The following AXDND1 variants were observed in gnomAD, a reference collection of about 807,000 sequenced individuals.
AXDND1 encodes axonemal dynein light chain domain containing 1, also known as axonemal dynein light chain domain-containing protein 1.
Under a neutral mutation model 137.5 loss-of-function variants are expected in AXDND1, and 110 were observed. The observed-to-expected ratio is 0.80, with a 90% CI of 0.69 to 0.94. The LOEUF is 0.94. Among genes scored for constraint, AXDND1 ranks in the 40% least tolerant of loss-of-function variants. The probability of loss-of-function intolerance (pLI) is 0.00; values close to 1 mark genes in which losing one functional copy is unlikely to be tolerated. For synonymous variants in AXDND1, 414 were observed against 399.7 expected (o/e 1.04, Z -0.43); for missense variants, 1,191 against 1,169.8 (o/e 1.02, Z -0.26).
chr1:179,366,378 TTA>T (rs2125026506), intron 1 of AXDND1, 24 bp from the exon 2 acceptor site: 239 of 623,406 alleles, frequency 3.8e-4, no homozygotes, highest in Middle Eastern at 6.9e-4. Flanking sequence ...TTTTTTTTTT[TTA>T]AATCTTTTTT....
At chr1:179,398,364 G>C (rs1043709818) in intron 11 of AXDND1, among the ~76,000 whole-genome samples, 2 of 152,112 alleles carry the variant, frequency 1.3e-5, no homozygotes, top group Non-Finnish European at 2.9e-5. Flanking sequence ...CACTGCACTG[G>C]GGGGAGCTGA....
In AXDND1 at chr1:179,401,723, C is replaced by T. The variant is rs1321364310; in HGVS notation, c.1109+6521C>T. ...CTCGTGGTAGTAAGTCTCACGAGAC[C>T]TGATTGTTTTATAAGGGGAAACCCC... On this transcript the variant is annotated intron_variant, in intron 11 of 25. Transcript: ENST00000367618. Among the ~76,000 whole-genome samples, 3 of 152,100 alleles carry T rather than the reference C, an allele frequency of 2.0e-5. No individual in the cohort carries two copies. The East Asian group carries it at 5.8e-4, about 29-fold the overall frequency.
chr1:179,542,042 C>T (rs1257440889), intron 25 of AXDND1, among the ~76,000 whole-genome samples: 1 of 152,062 alleles, frequency 6.6e-6, no homozygotes, highest in African/African-American at 2.4e-5. Context: ...GACATTGTCT[C>T]TGGGTAATAG....
At chr1:179,545,545 A>G (rs1672563144) in intron 25 of AXDND1, 1 of 151,032 alleles carries the variant, frequency 6.6e-6, no homozygotes, top group Non-Finnish European at 1.5e-5. Context: ...CTGTTGGCTC[A>G]TAATTACAGC....
At chr1:179,462,755 GT>G (rs34874029) in intron 16 of AXDND1, among the ~76,000 whole-genome samples, 25,422 of 151,514 alleles carry the variant, frequency 0.17, 2,454 homozygotes, top group East Asian at 0.35. Flanking sequence ...ACTTCTTCCT[GT>G]TTTTTTCAGT....
chr1:179,448,005 A>G, intron 16 of AXDND1: 1 of 1,410,826 alleles, frequency 7.1e-7, no homozygotes, highest in Admixed American at 1.7e-5. Flanking sequence ...AGGACAAAGC[A>G]TTGGGGCTTT....
At chr1:179,493,819 A>T (rs1590786) in intron 20 of AXDND1, among the ~76,000 whole-genome samples, 100,125 of 152,064 alleles carry the variant, frequency 0.66, 34,175 homozygotes, top group East Asian at 0.81. Flanking sequence ...AAGATATCAC[A>T]TGTACTCCAA....
intron 17 of AXDND1, among the ~76,000 whole-genome samples, chr1:179,477,220 T>C (rs1013215942): frequency 2.6e-5 from 4 of 152,208 alleles, no homozygotes; most frequent in Non-Finnish European, 4.4e-5. Context: ...TTAATTTCTA[T>C]TCTCTTATTT....
chr1:179,549,281 T>C (rs1672962541), intron 25 of AXDND1, among the ~76,000 whole-genome samples: 1 of 152,224 alleles, frequency 6.6e-6, no homozygotes, highest in Non-Finnish European at 1.5e-5. Flanking sequence ...CTATCCACTA[T>C]ACTCTTTCAC....
chr1:179,545,908 T>C (rs1358085612), intron 25 of AXDND1: 1 of 152,042 alleles, frequency 6.6e-6, no homozygotes, highest in African/African-American at 2.4e-5. Context: ...TGCAAGCCCA[T>C]GAAAAAAGAT....
chr1:179,553,378 C>A (rs1041428750), intron 25 of AXDND1, among the ~76,000 whole-genome samples: 3 of 152,090 alleles, frequency 2.0e-5, no homozygotes, highest in African/African-American at 7.2e-5. Flanking sequence ...GCTGATGAAC[C>A]AATAAAATGT....
rs770402228 is a variant in AXDND1, at chr1:179,383,494, A to G, written c.691A>G (p.Met231Val). The stretch of plus-strand genomic sequence containing the variant: ...CCAGCTGAATGATGTGATGGATACT[A>G]TGCTAGAGAGGGCTGGTGTGGAAAA... ...VAQLNDVMDT[M>V]LERAGVENQE... is the part of the protein sequence containing the mutation. The change falls in exon 8 of 26, where the codon ATG becomes GTG. Residue 231 changes from methionine (M) to valine (V), a missense_variant. Coordinates refer to ENST00000367618, the MANE Select transcript of AXDND1 (RefSeq NM_144696.6). 4.3e-6 allele frequency: 7 copies of G among 1,614,122 alleles called. No individual in the cohort carries two copies. The highest frequency in any genetic ancestry group is 3.3e-5 in the Admixed American group (2 of 60,018).
At chr1:179,464,948 A>T (rs955490585) in intron 16 of AXDND1, among the ~76,000 whole-genome samples, 1 of 152,136 alleles carries the variant, frequency 6.6e-6, no homozygotes, top group Non-Finnish European at 1.5e-5. Context: ...TTCTTATGCC[A>T]TGGTTTTCAG....
At chr1:179,411,291 C>T in intron 12 of AXDND1, 25 bp downstream of exon 12, 3 of 1,598,746 alleles carry the variant, frequency 1.9e-6, no homozygotes, top group Non-Finnish European at 2.6e-6. Flanking sequence ...ATTCACAACT[C>T]ACACTTCTTT....
rs1449864349 is a variant in AXDND1 at position 179,523,241 on chromosome 1, TTG to T, written c.2497-2091_2497-2090del. ...GGCTTTTGATTTCATCTGATTGTTT[TTG>T]TTTTTTTTTTTTTGAGGCAGCAATT... On this transcript the variant is annotated intron_variant, in intron 21 of 25. Transcript: ENST00000367618. Among the ~76,000 whole-genome samples the T allele has an allele frequency of 1.2e-3, 53 of 43,762 alleles. 1 individual carries two copies. Among genetic ancestry groups the T allele is most frequent in the African/African-American group, 3.0e-3 (46 of 15,548 alleles). 28.7% of individuals were successfully genotyped at this position (43,762 alleles called of 152,430 possible).
rs937581534 is a variant in AXDND1, at chr1:179,393,922, C to G, written c.883C>G (p.Leu295Val). The change falls in exon 10 of 26, where the codon CTT (leucine) becomes GTT (valine). Residue 295 changes from leucine to valine, a missense_variant. Coordinates refer to ENST00000367618, the MANE Select transcript of AXDND1 (RefSeq NM_144696.6). ...SKVRERYVQM[L>V]DQIARQMIDF... ...ATGCAGAGAGAGGTATGTGCAAATGCTTGACCAGATTGCTCGGCAGATGAT... is the reference window on the plus strand; with the variant it reads ...ATGCAGAGAGAGGTATGTGCAAATGGTTGACCAGATTGCTCGGCAGATGAT... The G allele has an allele frequency of 8.7e-6, 14 of 1,610,318 alleles. No individual in the cohort carries two copies. Among genetic ancestry groups the G allele is most frequent in the Non-Finnish European group, 1.2e-5 (14 of 1,178,806 alleles).
At chr1:179,436,449 A>G (rs551985465) in intron 15 of AXDND1, among the ~76,000 whole-genome samples, 3 of 152,326 alleles carry the variant, frequency 2.0e-5, no homozygotes, top group South Asian at 4.1e-4. Context: ...CCCAATGCCC[A>G]TCAATGGTAG....
chr1:179,398,585 G>A (rs1037176869), intron 11 of AXDND1, among the ~76,000 whole-genome samples: 2 of 152,218 alleles, frequency 1.3e-5, no homozygotes, highest in African/African-American at 4.8e-5. Flanking sequence ...CAGCACAGCT[G>A]GAAGAGGGTT....
chr1:179,501,721 A>G (rs1347522568), intron 20 of AXDND1, among the ~76,000 whole-genome samples: 2 of 152,106 alleles, frequency 1.3e-5, no homozygotes, highest in Non-Finnish European at 2.9e-5. Context: ...AAACAAAACA[A>G]AACAAAACAA....
Sources: allele counts gnomAD v4.1 joint callset (sites outside exome capture counted in the v4.1 genomes callset), GRCh38; gene constraint gnomAD v4.1.1; transcripts MANE v1.5; gene names NCBI Gene and HGNC (gene_info 2026-07-23, HGNC 2026-07-21).